The following CDNF variants were observed in gnomAD, a reference collection of about 807,000 sequenced individuals.
CDNF encodes ARMET-like protein 1.
In CDNF, 9 loss-of-function variants were observed where a neutral mutation model predicts 14.8. That is an observed-to-expected ratio of 0.61 (90% CI 0.37 to 1.06). The LOEUF is 1.06. Ranked by LOEUF, CDNF falls within the 50% of genes least tolerant of loss-of-function variation. The probability of loss-of-function intolerance (pLI) is 0.01; values close to 1 mark genes in which losing one functional copy is unlikely to be tolerated. For synonymous variants in CDNF, 86 were observed against 87.2 expected (o/e 0.99, Z 0.07); for missense variants, 228 against 228.4 (o/e 1.00, Z 0.01).
intron 2 of CDNF, among the ~76,000 whole-genome samples, chr10:14,826,215 A>AAGAAGC (rs1193546549): frequency 2.1e-5 from 3 of 145,838 alleles, no homozygotes; most frequent in East Asian, 4.0e-4. Context: ...GAAGAAGAAG[A>AAGAAGC]AGAAGCAGAA....
rs765449342 is a variant in CDNF, at chr10:14,831,582, A to ATT, written c.116-3312_116-3311dup. 2.2e-3 allele frequency among the ~76,000 whole-genome samples: 328 copies of ATT among 149,830 alleles called. 6 individuals are homozygous for ATT. The East Asian group carries it at 0.047, about 22-fold the overall frequency. On this transcript the variant is annotated intron_variant, in intron 1 of 3. Coordinates refer to ENST00000465530, the MANE Select transcript of CDNF (RefSeq NM_001029954.3). ...CACACACACACATATATATATATAT[A>ATT]TTTTTTTTCAAGATGGAGTCTCGCT...
chr10:14,837,637 G>A (rs1000309553), intron 1 of CDNF, among the ~76,000 whole-genome samples, 195 bp downstream of exon 1: 2 of 152,212 alleles, frequency 1.3e-5, no homozygotes, highest in African/African-American at 2.4e-5. Flanking sequence ...AAACCACAAC[G>A]TGGCCTCACG....
At chr10:14,835,154 A>C (rs1176458340) in intron 1 of CDNF, among the ~76,000 whole-genome samples, 1 of 152,200 alleles carries the variant, frequency 6.6e-6, no homozygotes, top group Non-Finnish European at 1.5e-5. Context: ...CATCATATCT[A>C]AGAGGGCATG....
intron 2 of CDNF, among the ~76,000 whole-genome samples, chr10:14,826,023 A>AAGAAGAAGGAGAAGG (rs1564313241): frequency 3.5e-5 from 4 of 115,890 alleles, no homozygotes; most frequent in African/African-American, 1.6e-4. Context: ...GCAGAAGAAG[A>AAGAAGAAGGAGAAGG]AGAAGGAGAA....
intron 2 of CDNF, among the ~76,000 whole-genome samples, chr10:14,827,784 C>T (rs950715411): frequency 6.6e-5 from 10 of 151,946 alleles, no homozygotes; most frequent in Non-Finnish European, 1.5e-4. Context: ...CCTAGCTACT[C>T]GGGAGGCTAA....
chr10:14,826,412 C>A (rs1469823261), intron 2 of CDNF, among the ~76,000 whole-genome samples: 2 of 138,290 alleles, frequency 1.4e-5, no homozygotes, highest in Admixed American at 7.3e-5. Flanking sequence ...GCAGCAGCAG[C>A]AGAAGCAGCA....
chr10:14,827,320 A>G (rs1833807614), intron 2 of CDNF, among the ~76,000 whole-genome samples: 1 of 152,184 alleles, frequency 6.6e-6, no homozygotes, highest in South Asian at 2.1e-4. Flanking sequence ...ATGCAGATGT[A>G]ACTGACAATC....
In CDNF at chr10:14,819,997, G is replaced by A. The variant is rs1397445251; in HGVS notation, c.547C>T (p.Pro183Ser). 2 of 1,613,502 alleles carry A rather than the reference G, an allele frequency of 1.2e-6. No individual in the cohort carries two copies. Among genetic ancestry groups the A allele is most frequent in the South Asian group, 1.1e-5 (1 of 91,034 alleles). The part of the protein sequence containing the change: ...ELAPKYAATH[P>S]KTEL ...ATTGGAGATCAGAGCTCTGTTTTGG[G>A]GTGTGTCGCTGCATACTTGGGGGCC... The change falls in exon 4 of 4, where the codon CCC becomes TCC. Residue 183 changes from proline to serine, a missense_variant. Transcript: ENST00000465530.
intron 1 of CDNF, among the ~76,000 whole-genome samples, chr10:14,833,744 C>T (rs780597486): frequency 7.3e-5 from 11 of 151,642 alleles, no homozygotes; most frequent in South Asian, 2.1e-4. Context: ...TAAGGAGAGA[C>T]GGAAAAGAGA....
At position 14,828,145 on chromosome 10, in the gene CDNF, CA is replaced by C. The variant is rs1185979114; in HGVS notation, c.242del (p.Leu81ArgfsTer5). 6 of 1,613,450 alleles carry C rather than the reference CA, an allele frequency of 3.7e-6. No individual in the cohort carries two copies. Among genetic ancestry groups the C allele is most frequent in the Non-Finnish European group, 5.1e-6 (6 of 1,179,820 alleles). ...AAATGAAAGGTGAAATTTACTATAC[CA>C]GGCGGTTTTCTTTTCCTTTGGTGTC... ...CLDTKGKENR[L>X]CYYLGATKDA... On this transcript the variant is annotated frameshift_variant and splice_region_variant, in exon 2 of 4. Coordinates refer to ENST00000465530, the MANE Select transcript of CDNF (RefSeq NM_001029954.3). LOFTEE classifies it high-confidence loss of function.
chr10:14,826,083 AAGAAGAAGAAGAAGCAGC>A lies in CDNF; in HGVS notation c.244-481_244-464del, dbSNP rs1397312874. ...GAAGAAGAAGAAGAAGAAGAAGAAG[AAGAAGAAGAAGAAGCAGC>A]AGCAGCAGCAGCAGCAGCAGCAGAA... On this transcript the variant is annotated intron_variant, in intron 2 of 3. Transcript: ENST00000465530. 5.1e-4 allele frequency among the ~76,000 whole-genome samples: 72 copies of A among 140,178 alleles called. 2 individuals are homozygous for A. Among genetic ancestry groups the A allele is most frequent in the African/African-American group, 1.1e-3 (38 of 35,722 alleles). The allele number at this position is 140,178 out of a possible 152,430, so 92.0% of individuals were successfully genotyped here.
intron 1 of CDNF, among the ~76,000 whole-genome samples, chr10:14,830,205 G>T (rs1484899703): frequency 2.6e-5 from 4 of 152,120 alleles, no homozygotes; most frequent in African/African-American, 9.7e-5. Context: ...ACAAGTGAGG[G>T]ACGTTTTGTT....
chr10:14,829,675 G>A (rs1328686738), intron 1 of CDNF, among the ~76,000 whole-genome samples: 1 of 152,028 alleles, frequency 6.6e-6, no homozygotes, highest in Admixed American at 6.6e-5. Flanking sequence ...GTTCACCCAG[G>A]CTTAAGTGCA....
chr10:14,837,878 C>T lies in CDNF; in HGVS notation c.69G>A (p.Leu23=). The T allele has an allele frequency of 6.2e-7, 1 of 1,606,410 alleles. No homozygotes were observed. Among genetic ancestry groups the T allele is most frequent in the South Asian group, 1.1e-5 (1 of 90,088 alleles). The change falls in exon 1 of 4, where the codon CTG becomes CTA. Residue 23 remains leucine, a synonymous_variant. Transcript: ENST00000465530. ...GCCCCCCGGCCTCCTGGCCCTGCGTCAGCACCGGGTGAGAGACCAAAAGCC... is the reference window on the plus strand; with the variant it reads ...GCCCCCCGGCCTCCTGGCCCTGCGTTAGCACCGGGTGAGAGACCAAAAGCC... The part of the protein sequence containing the change: ...CAGLLVSHPV[L]TQGQEAGGRP...
chr10:14,826,008 CAGA>C lies in CDNF; in HGVS notation c.244-391_244-389del, dbSNP rs1564313182. On this transcript the variant is annotated intron_variant, in intron 2 of 3. Coordinates refer to ENST00000465530, the MANE Select transcript of CDNF (RefSeq NM_001029954.3). The stretch of plus-strand genomic sequence containing the variant: ...GGAGAAGAAGAAGCAGCAGAAGAAG[CAGA>C]AGCAGAAGAAGAAGAAGGAGAAGAA... Among the ~76,000 whole-genome samples the C allele has an allele frequency of 5.3e-3, 449 of 84,936 alleles. 6 individuals are homozygous for C. The highest frequency in any genetic ancestry group is 0.023 in the African/African-American group (419 of 17,910). The allele number at this position is 84,936 out of a possible 152,430, so 55.7% of individuals were successfully genotyped here.
intron 1 of CDNF, among the ~76,000 whole-genome samples, chr10:14,828,518 G>T (rs138782477): frequency 6.6e-6 from 1 of 150,724 alleles, no homozygotes; most frequent in African/African-American, 2.4e-5. Context: ...ATGGTGGCGC[G>T]TGCCTATAGT....
intron 1 of CDNF, among the ~76,000 whole-genome samples, chr10:14,833,075 G>T (rs1026059184): frequency 2.0e-5 from 3 of 151,792 alleles, no homozygotes; most frequent in Non-Finnish European, 4.4e-5. Context: ...TGCCAGGCTG[G>T]TCTCTAACTC....
intron 1 of CDNF, among the ~76,000 whole-genome samples, chr10:14,832,490 T>C (rs1833851705): frequency 6.6e-6 from 1 of 152,202 alleles, no homozygotes; most frequent in South Asian, 2.1e-4. Context: ...ACATGATTCA[T>C]AAAGGATGTC....
chr10:14,821,365 C>T (rs1416639021), intron 3 of CDNF, among the ~76,000 whole-genome samples: 1 of 152,240 alleles, frequency 6.6e-6, no homozygotes, highest in Non-Finnish European at 1.5e-5. Flanking sequence ...CTCAGCTGAT[C>T]CGCCTGCCAC....
Sources: allele counts gnomAD v4.1 joint callset (sites outside exome capture counted in the v4.1 genomes callset), GRCh38; gene constraint gnomAD v4.1.1; transcripts MANE v1.5; gene names NCBI Gene and HGNC (gene_info 2026-07-23, HGNC 2026-07-21).